The following ZNF536 variants were observed in gnomAD, a reference collection of about 807,000 sequenced individuals.
The protein encoded by ZNF536 is zinc finger protein 536.
A neutral mutation model predicts 84.5 loss-of-function variants in ZNF536; 13 were observed. That is an observed-to-expected ratio of 0.15 (90% CI 0.10 to 0.24). The LOEUF is 0.24. Among genes scored for constraint, ZNF536 ranks in the 10% least tolerant of loss-of-function variants. The pLI, the probability that ZNF536 is intolerant of heterozygous loss-of-function variation, is 1.00. For missense variants in ZNF536, 1,536 were observed against 1,747.5 expected (o/e 0.88, Z 2.16); for synonymous variants, 811 against 742.5 (o/e 1.09, Z -1.50).
At chr19:30,596,264 G>C (rs538421047) in intron 1 of ZNF536, among the ~76,000 whole-genome samples, 2 of 150,622 alleles carry the variant, frequency 1.3e-5, no homozygotes, top group African/African-American at 4.9e-5. Context: ...GAGAGGGAGA[G>C]GGGAAAAAAA....
At chr19:30,694,274 T>A (rs2051557631) in intron 1 of ZNF536, among the ~76,000 whole-genome samples, 1 of 152,214 alleles carries the variant, frequency 6.6e-6, no homozygotes. Context: ...GATGTGTTCA[T>A]TTTAAGCGAC....
intron 1 of ZNF536, among the ~76,000 whole-genome samples, chr19:30,604,039 G>A (rs986332610): frequency 4.6e-5 from 7 of 152,116 alleles, no homozygotes; most frequent in Non-Finnish European, 7.3e-5. Flanking sequence ...GCAGTGAGCC[G>A]AGATTGCACC....
chr19:30,347,329 G>A (rs1480554566), intron 2 of ZNF536, among the ~76,000 whole-genome samples: 1 of 152,154 alleles, frequency 6.6e-6, no homozygotes, highest in Non-Finnish European at 1.5e-5. Context: ...TGACACGAGG[G>A]TTCCTCTGGT....
chr19:30,462,347 T>C (rs2053179318), intron 2 of ZNF536, among the ~76,000 whole-genome samples: 1 of 151,888 alleles, frequency 6.6e-6, no homozygotes, highest in Admixed American at 6.6e-5. Flanking sequence ...GTTGTGCATG[T>C]GGGGATATGG....
chr19:30,369,985 G>A (rs753690168), upstream of ZNF536, among the ~76,000 whole-genome samples: 10 of 152,184 alleles, frequency 6.6e-5, no homozygotes, highest in South Asian at 4.1e-4. Flanking sequence ...GATGGCCATC[G>A]CTGAGAAAGC....
intron 1 of ZNF536, among the ~76,000 whole-genome samples, chr19:30,679,027 C>G (rs1254409903): frequency 2.0e-5 from 3 of 152,056 alleles, no homozygotes; most frequent in Non-Finnish European, 4.4e-5. Flanking sequence ...CCTGCAGCCC[C>G]CTTCAACACC....
chr19:30,577,771 C>G (rs2046790906), intron 1 of ZNF536, among the ~76,000 whole-genome samples: 2 of 152,172 alleles, frequency 1.3e-5, no homozygotes, highest in Admixed American at 1.3e-4. Flanking sequence ...CCAGTGGACT[C>G]ATAAAGTACA....
intron 2 of ZNF536, among the ~76,000 whole-genome samples, chr19:30,446,480 A>G (rs2052353861): frequency 6.6e-6 from 1 of 151,946 alleles, no homozygotes; most frequent in Non-Finnish European, 1.5e-5. Context: ...AAACTTCACC[A>G]TCTTTCTCTC....
At chr19:30,371,762 AT>A (rs1056807745), upstream of ZNF536, among the ~76,000 whole-genome samples, 1 of 150,354 alleles carries the variant, frequency 6.7e-6, no homozygotes, top group Non-Finnish European at 1.5e-5. Context: ...AAAATAAATT[AT>A]TTCTTTTTGC....
intron 1 of ZNF536, among the ~76,000 whole-genome samples, chr19:30,590,883 A>G (rs1037914738): frequency 6.6e-6 from 1 of 152,248 alleles, no homozygotes; most frequent in Admixed American, 6.5e-5. Context: ...CTTGGGAAGG[A>G]TGGTTGCTAA....
At chr19:30,299,410 C>A (rs1351122686) in intron 2 of ZNF536, among the ~76,000 whole-genome samples, 4 of 152,060 alleles carry the variant, frequency 2.6e-5, no homozygotes, top group Non-Finnish European at 5.9e-5. Flanking sequence ...CTCTTTGATG[C>A]AATGAATGTG....
chr19:30,336,521 G>A (rs974737926), intron 2 of ZNF536, among the ~76,000 whole-genome samples: 3 of 152,198 alleles, frequency 2.0e-5, no homozygotes, highest in Admixed American at 6.5e-5. Flanking sequence ...GGCTTGGGCT[G>A]TTGAAGGCTT....
chr19:30,318,312 G>A (rs1421342984), intron 2 of ZNF536, among the ~76,000 whole-genome samples: 1 of 152,180 alleles, frequency 6.6e-6, no homozygotes, highest in Non-Finnish European at 1.5e-5. Flanking sequence ...CCTCATATCA[G>A]TTACATTTAT....
intron 1 of ZNF536, among the ~76,000 whole-genome samples, chr19:30,575,301 A>T (rs2046691044): frequency 6.6e-6 from 1 of 151,662 alleles, no homozygotes; most frequent in South Asian, 2.1e-4. Flanking sequence ...CCCTCCATGG[A>T]CAGCCCCTCC....
chr19:30,471,857 T>C (rs1352282579), intron 2 of ZNF536, among the ~76,000 whole-genome samples: 1 of 152,256 alleles, frequency 6.6e-6, no homozygotes, highest in Non-Finnish European at 1.5e-5. Context: ...TACTTTTATT[T>C]TTAAGTTTTT....
intron 1 of ZNF536, among the ~76,000 whole-genome samples, chr19:30,257,784 T>C (rs758534390): frequency 6.6e-6 from 1 of 152,248 alleles, no homozygotes; most frequent in Non-Finnish European, 1.5e-5. Flanking sequence ...CTGATGCTGC[T>C]CCTGGGCGGA....
intron 1 of ZNF536, among the ~76,000 whole-genome samples, chr19:30,622,368 G>T (rs946762131): frequency 2.0e-5 from 3 of 152,234 alleles, no homozygotes; most frequent in Non-Finnish European, 4.4e-5. Flanking sequence ...TTTTCCTTTG[G>T]TTTTTGGGGG....
intron 1 of ZNF536, among the ~76,000 whole-genome samples, chr19:30,620,909 T>C (rs2147137758): frequency 6.6e-6 from 1 of 152,294 alleles, no homozygotes; most frequent in East Asian, 1.9e-4. Context: ...GGAAAAGATT[T>C]GTGTCACCTG....
chr19:30,401,712 GA>G (rs1299538589), intron 1 of ZNF536, among the ~76,000 whole-genome samples: 4 of 152,198 alleles, frequency 2.6e-5, no homozygotes, highest in African/African-American at 7.2e-5. Flanking sequence ...CAAAGAGGGG[GA>G]AAGGTAACTG....
Sources: allele counts gnomAD v4.1 joint callset (sites outside exome capture counted in the v4.1 genomes callset), GRCh38; gene constraint gnomAD v4.1.1; transcripts MANE v1.5; gene names NCBI Gene and HGNC (gene_info 2026-07-23, HGNC 2026-07-21).